Variants in KCNMB2 observed in about 807,000 individuals in gnomAD.
KCNMB2 encodes potassium calcium-activated channel subfamily M regulatory beta subunit 2.
In KCNMB2, 9 loss-of-function variants were observed where a neutral mutation model predicts 24.5. The ratio of observed to expected loss-of-function variants is 0.37; its 90% CI spans 0.22 to 0.64. The LOEUF (loss-of-function observed/expected upper bound fraction) is 0.64, where lower values mean the gene tolerates loss of function less well. Ranked by LOEUF, KCNMB2 falls within the 30% of genes least tolerant of loss-of-function variation. KCNMB2 has a pLI of 0.63. For synonymous variants in KCNMB2, 109 were observed against 104.4 expected (o/e 1.04, Z -0.27); for missense variants, 226 against 284.3 (o/e 0.79, Z 1.47).
intron 4 of KCNMB2, among the ~76,000 whole-genome samples, chr3:178,841,325 A>G (rs1256512490): frequency 6.6e-6 from 1 of 152,150 alleles, no homozygotes; most frequent in Non-Finnish European, 1.5e-5. Context: ...GGAAGTTCCA[A>G]ATTATCCTTC....
chr3:178,668,536 G>GA (rs1720796377), intron 1 of KCNMB2, among the ~76,000 whole-genome samples: 1 of 152,118 alleles, frequency 6.6e-6, no homozygotes, highest in East Asian at 1.9e-4. Flanking sequence ...ATAGAGGTAG[G>GA]AAAAAAGAAA....
At chr3:178,556,524 C>A (rs1287423781) in intron 1 of KCNMB2, among the ~76,000 whole-genome samples, 1 of 152,174 alleles carries the variant, frequency 6.6e-6, no homozygotes, top group Non-Finnish European at 1.5e-5. Flanking sequence ...CCTGCCTCAG[C>A]CTCCCAAGTA....
intron 1 of KCNMB2, among the ~76,000 whole-genome samples, chr3:178,637,828 G>C (rs1157129698): frequency 6.6e-6 from 1 of 152,060 alleles, no homozygotes; most frequent in Non-Finnish European, 1.5e-5. Context: ...CATCTTACTG[G>C]ACATGTTCCT....
chr3:178,664,378 G>A (rs1720641966), intron 1 of KCNMB2, among the ~76,000 whole-genome samples: 1 of 152,066 alleles, frequency 6.6e-6, no homozygotes, highest in South Asian at 2.1e-4. Flanking sequence ...CAGTAATCTG[G>A]GTGAAAGGCT....
At chr3:178,760,395 T>C (rs1168514386) in intron 1 of KCNMB2, among the ~76,000 whole-genome samples, 1 of 136,384 alleles carries the variant, frequency 7.3e-6, no homozygotes, top group Non-Finnish European at 1.5e-5. Context: ...TATATATCCA[T>C]ATCCAAGATA....
intron 1 of KCNMB2, among the ~76,000 whole-genome samples, chr3:178,583,460 T>C (rs762632323): frequency 1.3e-5 from 2 of 152,226 alleles, no homozygotes; most frequent in Non-Finnish European, 2.9e-5. Context: ...ATTCAGTAGT[T>C]GGAGGTGATA....
intron 1 of KCNMB2, among the ~76,000 whole-genome samples, chr3:178,611,504 A>T (rs940325225): frequency 1.3e-5 from 2 of 152,148 alleles, no homozygotes; most frequent in Admixed American, 1.3e-4. Flanking sequence ...GGAGATCAAG[A>T]CCATCCTGGC....
intron 1 of KCNMB2, among the ~76,000 whole-genome samples, chr3:178,649,858 G>A (rs1173674998): frequency 6.6e-6 from 1 of 151,440 alleles, no homozygotes; most frequent in Non-Finnish European, 1.5e-5. Context: ...TCTGCTCTGA[G>A]CTTAGTTATT....
At position 178,662,722 on chromosome 3, in the gene KCNMB2, T is replaced by C. The variant is rs191332004; in HGVS notation, c.-68+126011T>C. 2.4e-3 allele frequency among the ~76,000 whole-genome samples: 366 copies of C among 152,270 alleles called. 1 individual carries two copies. The highest frequency in any genetic ancestry group is 0.01 in the Middle Eastern group (3 of 294). ...TTACACTATTTCACTACTAATTTAA[T>C]GATTTTTAATTATAATAATTCCTGA... is the stretch of plus-strand genomic sequence containing the variant. On this transcript the variant is annotated intron_variant, in intron 1 of 4. Transcript: ENST00000452583.
chr3:178,718,315 G>GT (rs1161989026), intron 1 of KCNMB2, among the ~76,000 whole-genome samples: 1 of 152,156 alleles, frequency 6.6e-6, no homozygotes, highest in Non-Finnish European at 1.5e-5. Flanking sequence ...CTGTATGCAG[G>GT]TAAAAACCCA....
At chr3:178,636,810 G>A (rs1370638250) in intron 1 of KCNMB2, among the ~76,000 whole-genome samples, 1 of 144,666 alleles carries the variant, frequency 6.9e-6, no homozygotes, top group African/African-American at 2.7e-5. Flanking sequence ...GTAAACATGT[G>A]CCGTGGTGGT....
chr3:178,746,876 C>T (rs889519577), intron 1 of KCNMB2: 1 of 152,412 alleles, frequency 6.6e-6, no homozygotes, highest in African/African-American at 2.4e-5. Context: ...CCTTATTGTT[C>T]ATATCACTAT....
At chr3:178,629,489 T>C (rs1227645198) in intron 1 of KCNMB2, among the ~76,000 whole-genome samples, 1 of 152,016 alleles carries the variant, frequency 6.6e-6, no homozygotes, top group Non-Finnish European at 1.5e-5. Flanking sequence ...GGGGTGAGAA[T>C]GGGGTGGTTG....
At chr3:178,744,731 T>C (rs928408096) in intron 1 of KCNMB2, among the ~76,000 whole-genome samples, 1 of 150,178 alleles carries the variant, frequency 6.7e-6, no homozygotes, top group Non-Finnish European at 1.5e-5. Flanking sequence ...AAAAAAAGGA[T>C]TAGGCATGGC....
chr3:178,642,964 C>A (rs981040414), intron 1 of KCNMB2, among the ~76,000 whole-genome samples: 2 of 152,176 alleles, frequency 1.3e-5, no homozygotes, highest in African/African-American at 4.8e-5. Flanking sequence ...TTTGACACAG[C>A]AAGTTGTTTG....
intron 1 of KCNMB2, among the ~76,000 whole-genome samples, chr3:178,774,481 G>A (rs1712498628): frequency 6.6e-6 from 1 of 152,160 alleles, no homozygotes; most frequent in Non-Finnish European, 1.5e-5. Flanking sequence ...TTGAAGTCAA[G>A]CAATTAGGTA....
chr3:178,619,945 A>G (rs1454047872), intron 1 of KCNMB2, among the ~76,000 whole-genome samples: 1 of 152,200 alleles, frequency 6.6e-6, no homozygotes, highest in African/African-American at 2.4e-5. Context: ...ATTTTTCAGC[A>G]AGACAAAAAG....
At chr3:178,679,981 G>A (rs1721209429) in intron 1 of KCNMB2, among the ~76,000 whole-genome samples, 1 of 152,022 alleles carries the variant, frequency 6.6e-6, no homozygotes, top group Non-Finnish European at 1.5e-5. Context: ...CCCCCAAGCA[G>A]TTGGAGGACA....
At chr3:178,578,460 A>T (rs1160799945) in intron 1 of KCNMB2, among the ~76,000 whole-genome samples, 1 of 152,176 alleles carries the variant, frequency 6.6e-6, no homozygotes, top group Non-Finnish European at 1.5e-5. Flanking sequence ...CTATAAAGAA[A>T]CTGCATCAAC....
Sources: allele counts gnomAD v4.1 joint callset (sites outside exome capture counted in the v4.1 genomes callset), GRCh38; gene constraint gnomAD v4.1.1; transcripts MANE v1.5; gene names NCBI Gene and HGNC (gene_info 2026-07-23, HGNC 2026-07-21).